ZNF33A: variants seen among roughly 807,000 people sequenced by gnomAD.
The protein encoded by ZNF33A is zinc finger protein 33A.
In ZNF33A, 9 loss-of-function variants were observed where a neutral mutation model predicts 15.9. The ratio of observed to expected loss-of-function variants is 0.57; its 90% CI spans 0.34 to 0.99. The LOEUF is 0.99. Among genes scored for constraint, ZNF33A ranks in the 50% least tolerant of loss-of-function variants. The probability of loss-of-function intolerance (pLI) is 0.02; values close to 1 mark genes in which losing one functional copy is unlikely to be tolerated. For missense variants in ZNF33A, 843 were observed against 941.6 expected (o/e 0.90, Z 1.37); for synonymous variants, 294 against 324.2 (o/e 0.91, Z 1.00).
At chr10:38,030,554 A>G (rs2065169313) in intron 4 of ZNF33A, among the ~76,000 whole-genome samples, 1 of 152,140 alleles carries the variant, frequency 6.6e-6, no homozygotes, top group Non-Finnish European at 1.5e-5. Flanking sequence ...TTTGGTTTGG[A>G]TATCAAAACT....
intron 4 of ZNF33A, among the ~76,000 whole-genome samples, chr10:38,032,135 A>G (rs1288561518): frequency 2.0e-5 from 3 of 152,076 alleles, no homozygotes; most frequent in Non-Finnish European, 4.4e-5. Flanking sequence ...AAAAAAATAA[A>G]ACAAGGGTTG....
chr10:38,044,815 C>A (rs2065881743), intron 4 of ZNF33A, among the ~76,000 whole-genome samples: 1 of 151,842 alleles, frequency 6.6e-6, no homozygotes, highest in Non-Finnish European at 1.5e-5. Flanking sequence ...TTACAAGTGC[C>A]TGCCACCATG....
chr10:38,046,827 C>A (rs1165265791), intron 4 of ZNF33A, among the ~76,000 whole-genome samples: 4 of 151,924 alleles, frequency 2.6e-5, no homozygotes, highest in Non-Finnish European at 4.4e-5. Flanking sequence ...TTCAGTATAA[C>A]AGAAAAGATA....
chr10:38,052,058 A>G (rs2066233910), intron 4 of ZNF33A, among the ~76,000 whole-genome samples: 1 of 152,166 alleles, frequency 6.6e-6, no homozygotes, highest in Non-Finnish European at 1.5e-5. Context: ...TTTCTTTCCA[A>G]TATCAGGAAC....
chr10:38,057,636 CTA>C lies in ZNF33A; in HGVS notation c.*1077_*1078del, dbSNP rs1564886966. The stretch of plus-strand genomic sequence containing the variant: ...GGTATAAATCAAAATAACAAATTAT[CTA>C]AAAAAAATCTATCCTGTACATGTGA... On this transcript the variant is annotated 3_prime_UTR_variant, in exon 5 of 5. Transcript: ENST00000432900. 1 of 985,084 alleles carries C rather than the reference CTA, an allele frequency of 1.0e-6. No homozygotes were observed. Among genetic ancestry groups the C allele is most frequent in the Non-Finnish European group, 1.2e-6 (1 of 829,744 alleles). 61.0% of individuals were successfully genotyped at this position (985,084 alleles called of 1,614,324 possible). A position where few individuals can be genotyped will look rare whatever the true frequency, so the allele number is the denominator to read the frequency against.
At position 38,057,206 on chromosome 10, in the gene ZNF33A, G is replaced by A. The variant is rs1336892283; in HGVS notation, c.*646G>A. ...TAACCATCAACACGATTAGTTTACAGAACTGAAAAGGAATCTGAGATCTGT... is the reference window on the plus strand; with the variant it reads ...TAACCATCAACACGATTAGTTTACAAAACTGAAAAGGAATCTGAGATCTGT... On this transcript the variant is annotated 3_prime_UTR_variant, in exon 5 of 5. Transcript: ENST00000432900. 1 of 984,782 alleles carries A rather than the reference G, an allele frequency of 1.0e-6. No individual in the cohort carries two copies. Among genetic ancestry groups the A allele is most frequent in the Non-Finnish European group, 1.2e-6 (1 of 829,468 alleles). 61.0% of individuals were successfully genotyped at this position (984,782 alleles called of 1,614,324 possible).
intron 4 of ZNF33A, among the ~76,000 whole-genome samples, chr10:38,035,132 T>C (rs1384669202): frequency 1.2e-4 from 17 of 146,550 alleles, no homozygotes; most frequent in Admixed American, 2.1e-4. Flanking sequence ...TTTTTTTTTT[T>C]TTTGAGATGG....
chr10:38,060,596 T>C (rs1166233687), downstream of ZNF33A, among the ~76,000 whole-genome samples: 1 of 152,128 alleles, frequency 6.6e-6, no homozygotes, highest in Non-Finnish European at 1.5e-5. Context: ...ATCTGTCCAG[T>C]GTCAGGCGTT....
intron 4 of ZNF33A, among the ~76,000 whole-genome samples, chr10:38,024,163 CAAAAAAA>C (rs71007682): frequency 4.3e-5 from 4 of 93,204 alleles, no homozygotes; most frequent in Admixed American, 1.3e-4. Flanking sequence ...AAAAACAAAA[CAAAAAAA>C]AAAAAAAAAA....
In ZNF33A at chr10:38,010,914, G is replaced by A; in HGVS notation, c.-45+131G>A. 3.4e-6 allele frequency: 4 copies of A among 1,163,448 alleles called. No individual in the cohort carries two copies. The Admixed American group carries it at 7.0e-5, about 20-fold the overall frequency. 72.1% of individuals were successfully genotyped at this position (1,163,448 alleles called of 1,614,324 possible). On this transcript the variant is annotated intron_variant, in intron 1 of 4. Transcript: ENST00000432900. ...TCATAGGGGAAGGCGGGGACGGCGG[G>A]GCTGCAGCGTGTGGGCCACGACGCT...
chr10:38,026,122 T>G (rs551808329), intron 4 of ZNF33A, among the ~76,000 whole-genome samples: 1 of 152,246 alleles, frequency 6.6e-6, no homozygotes, highest in Non-Finnish European at 1.5e-5. Context: ...TCTGGCTGTT[T>G]AATCCATTCA....
At position 38,018,306 on chromosome 10, in the gene ZNF33A, G is replaced by C. The variant is rs142243079; in HGVS notation, c.250+920G>C. Among the ~76,000 whole-genome samples the C allele has an allele frequency of 6.5e-3, 995 of 152,204 alleles. 8 individuals are homozygous for C. Among genetic ancestry groups the C allele is most frequent in the African/African-American group, 0.021 (886 of 41,536 alleles). ...GCAGAGATTTGAATGAAATGACTGTGTGAGCCATGAGGATTCTGACCCTTT... is the reference window on the plus strand; with the variant it reads ...GCAGAGATTTGAATGAAATGACTGTCTGAGCCATGAGGATTCTGACCCTTT... On this transcript the variant is annotated intron_variant, in intron 4 of 4. Transcript: ENST00000432900.
intron 2 of ZNF33A, among the ~76,000 whole-genome samples, chr10:38,013,411 TAAATTA>T (rs1458599723): frequency 6.6e-6 from 1 of 152,020 alleles, no homozygotes; most frequent in Non-Finnish European, 1.5e-5. Context: ...ACCCAGCCGG[TAAATTA>T]AAATGTATTT....
chr10:38,028,915 C>T (rs1031643624), intron 4 of ZNF33A, among the ~76,000 whole-genome samples: 2 of 152,006 alleles, frequency 1.3e-5, no homozygotes, highest in African/African-American at 4.8e-5. Context: ...AAATTAATTC[C>T]CTCGTAACTT....
At chr10:38,016,034 T>A (rs560237112) in intron 2 of ZNF33A, 4 of 1,230,902 alleles carry the variant, frequency 3.2e-6, no homozygotes, top group Non-Finnish European at 4.1e-6. Context: ...TTCTCCGCTG[T>A]ACTCCACAGA....
At chr10:38,064,230 C>T, downstream of ZNF33A, 4 of 959,934 alleles carry the variant, frequency 4.2e-6, no homozygotes, top group African/African-American at 1.6e-5. Flanking sequence ...GGATGGTGGT[C>T]ACATCTCCAA....
Position 38,058,135 on chromosome 10 carries a change from C to G in ZNF33A, c.*1575C>G. 1.2e-6 allele frequency: 1 copy of G among 821,682 alleles called. No individual in the cohort carries two copies. Among genetic ancestry groups the G allele is most frequent in the Non-Finnish European group, 1.5e-6 (1 of 680,700 alleles). The allele number at this position is 821,682 out of a possible 1,614,324, so 50.9% of individuals were successfully genotyped here. On this transcript the variant is annotated 3_prime_UTR_variant, in exon 5 of 5. Coordinates refer to ENST00000432900, the MANE Select transcript of ZNF33A (RefSeq NM_006954.2). Reference sequence around the variant, plus strand: ...AAGAGCAAATTAAATCCAAAGTAACCTGAAAAAACATTAGAGTAAAAATCA... The same window carrying G: ...AAGAGCAAATTAAATCCAAAGTAACGTGAAAAAACATTAGAGTAAAAATCA...
At chr10:38,010,863 A>G in intron 1 of ZNF33A, 80 bp downstream of exon 1, 3 of 1,513,434 alleles carry the variant, frequency 2.0e-6, no homozygotes, top group Admixed American at 3.5e-5. Flanking sequence ...GCCGGTACCA[A>G]GTGGTGGGGA....
chr10:38,014,083 C>T (rs898403902), intron 2 of ZNF33A, among the ~76,000 whole-genome samples: 18 of 122,850 alleles, frequency 1.5e-4, no homozygotes, highest in South Asian at 2.7e-4. Flanking sequence ...CTCACTGTCA[C>T]CCAGGCTAGG....
Sources: gnomAD v4.1 joint callset for allele counts (sites outside exome capture counted in the v4.1 genomes callset) on GRCh38, gnomAD v4.1.1 for gene constraint, MANE v1.5 for transcripts, NCBI Gene and HGNC (gene_info 2026-07-23, HGNC 2026-07-21) for gene names.